The following METAP2 variants were observed in gnomAD, a reference collection of about 807,000 sequenced individuals.
METAP2 encodes the protein methionine aminopeptidase 2.
In METAP2, 25 loss-of-function variants were observed where a neutral mutation model predicts 59.4. The ratio of observed to expected loss-of-function variants is 0.42; its 90% CI spans 0.31 to 0.59. The LOEUF (loss-of-function observed/expected upper bound fraction) is 0.59. METAP2 is among the 20% of genes least tolerant of loss of function. METAP2 has a pLI of 0.16. For synonymous variants in METAP2, 214 were observed against 194.1 expected, an observed-to-expected ratio of 1.10 and a Z score of -0.85; for missense variants, 366 against 581.2, an observed-to-expected ratio of 0.63 and a Z score of 3.81.
intron 8 of METAP2, among the ~76,000 whole-genome samples, chr12:95,509,845 A>ACCCCCCCC (rs1491185984): frequency 9.8e-6 from 1 of 101,678 alleles, no homozygotes; most frequent in Admixed American, 8.6e-5. Context: ...CTCCCCCCCA[A>ACCCCCCCC]CCTTTTTTTT....
intron 3 of METAP2, 97 bp from the exon 4 acceptor site, chr12:95,485,782 C>T: frequency 1.3e-6 from 1 of 776,346 alleles, no homozygotes; most frequent in Non-Finnish European, 2.0e-6. Context: ...TCCTTAAAAT[C>T]AGAACATATA....
chr12:95,476,096 A>T lies in METAP2; in HGVS notation c.177A>T (p.Glu59Asp). Residue 59 changes from glutamate (E) to aspartate (D), a missense_variant, in exon 2 of 11, where the codon GAA becomes GAT. Physicochemically the swap from Glu to Asp is conservative, Grantham distance 45. Transcript: ENST00000323666. ...CAGGGGAACAGGAACCTGATAAAGAATCAGGAGCCTCAGTGGATGAAGTAG... is the reference window on the plus strand; with the variant it reads ...CAGGGGAACAGGAACCTGATAAAGATTCAGGAGCCTCAGTGGATGAAGTAG... The part of the protein sequence containing the change: ...SAAGEQEPDK[E>D]SGASVDEVAR... 6.2e-7 allele frequency: 1 copy of T among 1,611,128 alleles called. No individual in the cohort carries two copies. The highest frequency in any genetic ancestry group is 8.5e-7 in the Non-Finnish European group (1 of 1,178,780).
At chr12:95,509,836 TC>T (rs1246108706) in intron 8 of METAP2, among the ~76,000 whole-genome samples, 6 of 122,350 alleles carry the variant, frequency 4.9e-5, no homozygotes, top group Admixed American at 2.4e-4. Context: ...TTTTAAGACC[TC>T]CCCCCCAACC....
intron 8 of METAP2, among the ~76,000 whole-genome samples, chr12:95,511,543 C>T (rs888402420): frequency 6.6e-6 from 1 of 151,980 alleles, no homozygotes; most frequent in Non-Finnish European, 1.5e-5. Context: ...AGGCCCCCAC[C>T]ACCACACCCA....
At chr12:95,504,458 T>G (rs1280720890) in intron 8 of METAP2, among the ~76,000 whole-genome samples, 1 of 152,222 alleles carries the variant, frequency 6.6e-6, no homozygotes, top group Non-Finnish European at 1.5e-5. Flanking sequence ...CTCTTGCCAT[T>G]GATGACTTCT....
At position 95,485,930 on chromosome 12, in the gene METAP2, A is replaced by G. The variant is rs751359091; in HGVS notation, c.377A>G (p.Asn126Ser). Reference protein sequence around the residue: ...PSVPICDLYPNGVFPKGQECE... With the variant: ...PSVPICDLYPSGVFPKGQECE... ...GTTCCAATATGTGACCTGTATCCTAATGGTGTATTTCCCAAAGGACAAGAA... is the reference window on the plus strand; with the variant it reads ...GTTCCAATATGTGACCTGTATCCTAGTGGTGTATTTCCCAAAGGACAAGAA... Residue 126 changes from asparagine (N) to serine (S), a missense_variant, in exon 4 of 11, where the codon AAT (asparagine) becomes AGT (serine). This residue lies in a region of METAP2 where 177 missense variants were observed against 180.3 expected (regional missense o/e 0.98). Coordinates refer to ENST00000323666, the MANE Select transcript of METAP2 (RefSeq NM_006838.4). 1 of 1,593,700 alleles carries G rather than the reference A, an allele frequency of 6.3e-7. No homozygotes were observed. The highest frequency in any genetic ancestry group is 1.4e-5 in the African/African-American group (1 of 73,848).
chr12:95,481,296 A>G (rs1421412690), intron 2 of METAP2, among the ~76,000 whole-genome samples: 1 of 152,178 alleles, frequency 6.6e-6, no homozygotes, highest in African/African-American at 2.4e-5. Context: ...CTGTAGTCTC[A>G]GCTATTCAGG....
At chr12:95,495,948 A>G in intron 6 of METAP2, 56 bp from the exon 7 acceptor site, 1 of 1,042,554 alleles carries the variant, frequency 9.6e-7, no homozygotes, top group South Asian at 1.4e-5. Flanking sequence ...AATGCTGTAA[A>G]GTAGATAAAT....
chr12:95,506,678 CCT>C (rs920113687), intron 8 of METAP2, among the ~76,000 whole-genome samples: 2 of 152,050 alleles, frequency 1.3e-5, no homozygotes, highest in African/African-American at 4.8e-5. Flanking sequence ...CTGCCTAGAC[CCT>C]GTGTTGGCAG....
chr12:95,501,938 A>G (rs1444453927), intron 7 of METAP2, among the ~76,000 whole-genome samples: 1 of 150,006 alleles, frequency 6.7e-6, no homozygotes, highest in Non-Finnish European at 1.5e-5. Flanking sequence ...GTAGTAATGA[A>G]CTCCATCAGC....
At chr12:95,496,572 G>A (rs557533874) in intron 7 of METAP2, among the ~76,000 whole-genome samples, 44 of 152,010 alleles carry the variant, frequency 2.9e-4, no homozygotes, top group African/African-American at 1.1e-3. Flanking sequence ...TTAACATTAG[G>A]GTTCATTCTT....
chr12:95,506,980 G>A (rs1400240440), intron 8 of METAP2, among the ~76,000 whole-genome samples: 2 of 151,760 alleles, frequency 1.3e-5, no homozygotes, highest in Non-Finnish European at 2.9e-5. Context: ...TGGAGATGGG[G>A]CTTCATCATG....
At chr12:95,500,396 T>C (rs533745411) in intron 7 of METAP2, among the ~76,000 whole-genome samples, 49 of 152,344 alleles carry the variant, frequency 3.2e-4, no homozygotes, top group African/African-American at 1.2e-3. Flanking sequence ...TTTTTATTTT[T>C]CTTGCCTGAT....
chr12:95,482,154 G>C (rs1469398412), intron 2 of METAP2: 1 of 452,732 alleles, frequency 2.2e-6, no homozygotes. Context: ...CCGTCACCCA[G>C]GCTGACGTGC....
rs1430478279 is a variant in METAP2 at position 95,515,646 on chromosome 12, G to C, written c.*1742G>C. ...AACTGTTGGGAGCAATGGCATCACTGTATGCCCTTGTAATGGCTGGAAGGG... is the reference window on the plus strand; with the variant it reads ...AACTGTTGGGAGCAATGGCATCACTCTATGCCCTTGTAATGGCTGGAAGGG... On this transcript the variant is annotated 3_prime_UTR_variant, in exon 11 of 11. Coordinates refer to ENST00000323666, the MANE Select transcript of METAP2 (RefSeq NM_006838.4). The C allele has an allele frequency of 6.6e-6, 1 of 152,208 alleles. No individual in the cohort carries two copies. The highest frequency in any genetic ancestry group is 1.9e-4 in the East Asian group (1 of 5,198). The allele number at this position is 152,208 out of a possible 1,614,324, so 9.4% of individuals were successfully genotyped here.
rs1242108557 is a variant in METAP2 at position 95,514,231 on chromosome 12, T to C, written c.*327T>C. ...TTTGGATATTTATATTGCCATATTC[T>C]TACTTGAATGCTTTGAATGACTACA... On this transcript the variant is annotated 3_prime_UTR_variant, in exon 11 of 11. Transcript: ENST00000323666. 8.1e-6 allele frequency: 2 copies of C among 248,072 alleles called. No individual in the cohort carries two copies. The highest frequency in any genetic ancestry group is 1.5e-5 in the Non-Finnish European group (2 of 130,800). 15.4% of individuals were successfully genotyped at this position (248,072 alleles called of 1,614,324 possible).
chr12:95,502,609 A>G (rs1217350048), intron 7 of METAP2, among the ~76,000 whole-genome samples: 1 of 151,750 alleles, frequency 6.6e-6, no homozygotes, highest in Non-Finnish European at 1.5e-5. Flanking sequence ...CTTGGATGCT[A>G]TATTCTTGTA....
rs2076443497 is a variant in METAP2, at chr12:95,515,746, TTTG to T, written c.*1845_*1847del. 6.6e-6 allele frequency: 1 copy of T among 152,200 alleles called. No homozygotes were observed. The highest frequency in any genetic ancestry group is 1.5e-5 in the Non-Finnish European group (1 of 68,032). The allele number at this position is 152,200 out of a possible 1,614,324, so 9.4% of individuals were successfully genotyped here. A position where few individuals can be genotyped will look rare whatever the true frequency, so the allele number is the denominator to read the frequency against. ...TTATTAGCCATGTATCTCTTAAAAT[TTTG>T]TTATGTTTACAACGATGTACCTTAT... On this transcript the variant is annotated 3_prime_UTR_variant, in exon 11 of 11. Transcript: ENST00000323666.
chr12:95,486,057 CAG>C, intron 4 of METAP2, 76 bp downstream of exon 4: 2 of 1,038,344 alleles, frequency 1.9e-6, no homozygotes, highest in East Asian at 5.2e-5. Context: ...TGACATTTCT[CAG>C]AACTTTGCTC....
Sources: gnomAD v4.1 joint callset for allele counts (sites outside exome capture counted in the v4.1 genomes callset) on GRCh38, gnomAD v4.1.1 for gene constraint, gnomAD v4.1.1 regional missense constraint, MANE v1.5 for transcripts, NCBI Gene and HGNC (gene_info 2026-07-23, HGNC 2026-07-21) for gene names.